Variants in NEGR1 observed in about 807,000 individuals in gnomAD.
NEGR1 encodes IgLON family member 4.
Under a neutral mutation model 40.9 loss-of-function variants are expected in NEGR1, and 10 were observed. The observed-to-expected ratio is 0.24, with a 90% CI of 0.15 to 0.42. The LOEUF is 0.42. Among genes scored for constraint, NEGR1 ranks in the 10% least tolerant of loss-of-function variants. The pLI, the probability that NEGR1 is intolerant of heterozygous loss-of-function variation, is 1.00. For missense variants in NEGR1, 352 were observed against 438.9 expected (o/e 0.80, Z 1.77); for synonymous variants, 185 against 166.8 (o/e 1.11, Z -0.84).
At chr1:71,431,007 A>G (rs1352843721) in intron 6 of NEGR1, among the ~76,000 whole-genome samples, 2 of 151,910 alleles carry the variant, frequency 1.3e-5, no homozygotes, top group East Asian at 3.9e-4. Context: ...TCGGCCTCCC[A>G]AAGTGCTGGG....
chr1:72,030,643 A>G (rs1472585681), intron 1 of NEGR1, among the ~76,000 whole-genome samples: 3 of 152,174 alleles, frequency 2.0e-5, no homozygotes, highest in Non-Finnish European at 4.4e-5. Flanking sequence ...TCAACACTAA[A>G]AAGAACTTCA....
chr1:71,702,726 TA>T (rs5775082), intron 3 of NEGR1, among the ~76,000 whole-genome samples: 100 of 141,866 alleles, frequency 7.0e-4, no homozygotes, highest in African/African-American at 2.3e-3. Context: ...AAAACTTATT[TA>T]AAAAAAAAAA....
chr1:71,499,205 G>T (rs1013278375), intron 6 of NEGR1, among the ~76,000 whole-genome samples: 4 of 151,848 alleles, frequency 2.6e-5, no homozygotes, highest in African/African-American at 9.7e-5. Context: ...GGGATTTATT[G>T]GGCTCATGAT....
At chr1:72,143,856 C>T (rs1277253628) in intron 1 of NEGR1, among the ~76,000 whole-genome samples, 1 of 139,236 alleles carries the variant, frequency 7.2e-6, no homozygotes, top group African/African-American at 2.7e-5. Context: ...GAAGATGGTT[C>T]TAAATATATC....
At chr1:72,125,042 A>T (rs1265404126) in intron 1 of NEGR1, among the ~76,000 whole-genome samples, 1 of 152,122 alleles carries the variant, frequency 6.6e-6, no homozygotes, top group East Asian at 1.9e-4. Context: ...TTTTGTCATC[A>T]CTGTACGTCA....
chr1:72,064,458 T>G (rs772971540), intron 1 of NEGR1, among the ~76,000 whole-genome samples: 8 of 152,058 alleles, frequency 5.3e-5, no homozygotes, highest in South Asian at 2.1e-4. Context: ...GTTGATAGTG[T>G]CTGTGCAAAA....
intron 4 of NEGR1, among the ~76,000 whole-genome samples, chr1:71,620,924 A>G (rs1557590175): frequency 6.6e-6 from 1 of 151,938 alleles, no homozygotes; most frequent in African/African-American, 2.4e-5. Flanking sequence ...TGTAAAATAG[A>G]CAGTACTTAC....
chr1:72,105,464 G>C (rs1005288342), intron 1 of NEGR1, among the ~76,000 whole-genome samples: 3 of 151,990 alleles, frequency 2.0e-5, no homozygotes, highest in African/African-American at 7.2e-5. Context: ...ACTTTGGTGG[G>C]GGGCCGAGGC....
chr1:71,583,121 AAAAT>A (rs56672219), intron 6 of NEGR1, among the ~76,000 whole-genome samples: 129,893 of 149,300 alleles, frequency 0.87, 58,138 homozygotes, highest in Non-Finnish European at 0.98. Flanking sequence ...ACAGAAAGTA[AAAAT>A]AAATAAATAA....
At chr1:72,007,208 G>A (rs527598189) in intron 1 of NEGR1, among the ~76,000 whole-genome samples, 22 of 152,080 alleles carry the variant, frequency 1.4e-4, no homozygotes, top group Non-Finnish European at 2.9e-4. Flanking sequence ...ACTAGTAAAT[G>A]TCCTTGGCCA....
chr1:72,137,072 C>T lies in NEGR1; in HGVS notation c.176+145247G>A, dbSNP rs151284450. On this transcript the variant is annotated intron_variant, in intron 1 of 6. Transcript: ENST00000357731. The stretch of plus-strand genomic sequence containing the variant: ...TACCATCTCACACCAATTAGAATGG[C>T]GATCATTAAAAAGTCAGGAAACAAC... Among the ~76,000 whole-genome samples, 168 of 152,102 alleles carry T rather than the reference C, an allele frequency of 1.1e-3. 8 individuals carry two copies. The East Asian group carries it at 0.027, about 24-fold the overall frequency.
intron 4 of NEGR1, 54 bp from the exon 5 acceptor site, chr1:71,611,200 A>T: frequency 6.6e-7 from 1 of 1,513,962 alleles, no homozygotes. Flanking sequence ...ATAATCCTCA[A>T]CAGAAATATG....
chr1:71,588,846 T>A (rs1183885915), intron 6 of NEGR1, among the ~76,000 whole-genome samples: 1 of 152,120 alleles, frequency 6.6e-6, no homozygotes. Flanking sequence ...TCATCAAATG[T>A]TAGGGTGTTG....
At chr1:71,799,432 T>A (rs904149541) in intron 2 of NEGR1, among the ~76,000 whole-genome samples, 7 of 152,222 alleles carry the variant, frequency 4.6e-5, no homozygotes, top group African/African-American at 1.2e-4. Flanking sequence ...ATTTTCTTTA[T>A]CCAGTCTAAC....
intron 2 of NEGR1, among the ~76,000 whole-genome samples, chr1:71,779,472 AC>A (rs1656623048): frequency 6.6e-6 from 1 of 152,190 alleles, no homozygotes; most frequent in Non-Finnish European, 1.5e-5. Context: ...AAATCAGTAG[AC>A]ATTAATTTTG....
At chr1:71,467,332 A>C (rs1646753397) in intron 6 of NEGR1, among the ~76,000 whole-genome samples, 1 of 152,090 alleles carries the variant, frequency 6.6e-6, no homozygotes. Context: ...AAGGAAATGA[A>C]AAACAAAGAA....
chr1:71,725,940 T>C (rs72944128), intron 3 of NEGR1, among the ~76,000 whole-genome samples: 11,219 of 152,186 alleles, frequency 0.074, 514 homozygotes, highest in East Asian at 0.14. Flanking sequence ...TTTTTGTGTC[T>C]CTGATCAATC....
At chr1:71,613,500 A>G (rs1650336837) in intron 4 of NEGR1, among the ~76,000 whole-genome samples, 1 of 151,968 alleles carries the variant, frequency 6.6e-6, no homozygotes, top group Admixed American at 6.6e-5. Flanking sequence ...TACAAAAATT[A>G]GCCAGGCATA....
intron 1 of NEGR1, among the ~76,000 whole-genome samples, chr1:72,281,369 T>G (rs1191498513): frequency 6.6e-6 from 1 of 152,024 alleles, no homozygotes; most frequent in Admixed American, 6.6e-5. Flanking sequence ...AATGTGGAAG[T>G]GGTTCTTACA....
Sources: gnomAD v4.1 joint callset for allele counts (sites outside exome capture counted in the v4.1 genomes callset) on GRCh38, gnomAD v4.1.1 for gene constraint, MANE v1.5 for transcripts, NCBI Gene and HGNC (gene_info 2026-07-23, HGNC 2026-07-21) for gene names.